MACROD2: variants seen among roughly 807,000 people sequenced by gnomAD.
MACROD2 encodes the protein ADP-ribose glycohydrolase MACROD2.
Under a neutral mutation model 70.4 loss-of-function variants are expected in MACROD2, and 36 were observed. That is an observed-to-expected ratio of 0.51 (90% CI 0.39 to 0.68). The LOEUF (loss-of-function observed/expected upper bound fraction) is 0.68. Among genes scored for constraint, MACROD2 ranks in the 30% least tolerant of loss-of-function variants. The pLI, the probability that MACROD2 is intolerant of heterozygous loss-of-function variation, is 0.00. For missense variants in MACROD2, 496 were observed against 538.4 expected (o/e 0.92, Z 0.78); for synonymous variants, 172 against 178.8 (o/e 0.96, Z 0.30).
At chr20:14,208,978 G>A (rs1464647082) in intron 3 of MACROD2, among the ~76,000 whole-genome samples, 1 of 152,200 alleles carries the variant, frequency 6.6e-6, no homozygotes, top group African/African-American at 2.4e-5. Context: ...GAAGAAAGAA[G>A]TAGTGTGTTA....
rs372067486 is a variant in MACROD2 at position 14,858,353 on chromosome 20, A to G, written c.418+173394A>G. Among the ~76,000 whole-genome samples, 20 of 152,192 alleles carry G rather than the reference A, an allele frequency of 1.3e-4. 1 individual carries two copies. The East Asian group carries it at 3.9e-3, about 29-fold the overall frequency. On this transcript the variant is annotated intron_variant, in intron 5 of 17. Transcript: ENST00000684519. ...GTGACCTGTTGAGCCCTTGGACCCC[A>G]GAATTTCTCGGGTTATTGTTTCTCC...
rs753396661 is a variant in MACROD2, at chr20:15,230,008, A to T, written c.487A>T (p.Asn163Tyr). 1.2e-6 allele frequency: 2 copies of T among 1,613,790 alleles called. No homozygotes were observed. The highest frequency in any genetic ancestry group is 2.2e-5 in the South Asian group (2 of 91,058). ...INGSHKEDLANCYKSSLKLVK... is the reference protein window; with the variant it reads ...INGSHKEDLAYCYKSSLKLVK... ...TGGTTCCCACAAGGAAGACCTTGCA[A>T]ATTGCTATAAATCATCTCTGAAGCT... Residue 163 changes from asparagine to tyrosine, a missense_variant, in exon 6 of 18, where the codon AAT (asparagine) becomes TAT (tyrosine). Transcript: ENST00000684519.
intron 2 of MACROD2, among the ~76,000 whole-genome samples, chr20:14,083,136 AAAAAG>A (rs1387770157): frequency 6.6e-6 from 1 of 151,842 alleles, no homozygotes; most frequent in Admixed American, 6.6e-5. Flanking sequence ...AAAAAAAAAA[AAAAAG>A]GTAGTTTTGG....
At chr20:14,145,315 G>A (rs1004574459) in intron 3 of MACROD2, among the ~76,000 whole-genome samples, 4 of 151,928 alleles carry the variant, frequency 2.6e-5, no homozygotes, top group African/African-American at 4.8e-5. Flanking sequence ...TTATAACCTC[G>A]TCTAGTGTTT....
chr20:14,934,432 A>G (rs1568884740), intron 5 of MACROD2, among the ~76,000 whole-genome samples: 1 of 152,180 alleles, frequency 6.6e-6, no homozygotes, highest in Non-Finnish European at 1.5e-5. Flanking sequence ...TCCCCATGAG[A>G]TCAGACCATC....
At chr20:15,545,369 G>T (rs1293221517) in intron 8 of MACROD2, among the ~76,000 whole-genome samples, 1 of 152,102 alleles carries the variant, frequency 6.6e-6, no homozygotes, top group Non-Finnish European at 1.5e-5. Flanking sequence ...GTAATCCCAA[G>T]AACATATTTA....
At chr20:15,334,582 ATTTTT>A (rs11478951) in intron 6 of MACROD2, among the ~76,000 whole-genome samples, 69 of 148,906 alleles carry the variant, frequency 4.6e-4, no homozygotes, top group South Asian at 8.4e-4. Context: ...GGGAAAAATG[ATTTTT>A]TTTAAAAAAA....
rs370143546 is a variant in MACROD2, at chr20:15,570,195, A to G, written c.645+70348A>G. ...TTTCCTTTTCTCTACAGCCTTGCCA[A>G]CACTTGTTGTCTTTCATATTTTTTA... On this transcript the variant is annotated intron_variant, in intron 8 of 17. Coordinates refer to ENST00000684519, the MANE Select transcript of MACROD2 (RefSeq NM_001351661.2). 5.0e-4 allele frequency among the ~76,000 whole-genome samples: 76 copies of G among 152,148 alleles called. 1 individual carries two copies. The highest frequency in any genetic ancestry group is 1.7e-3 in the African/African-American group (72 of 41,564).
At chr20:14,302,148 G>A (rs1040826) in intron 3 of MACROD2, among the ~76,000 whole-genome samples, 105,255 of 152,072 alleles carry the variant, frequency 0.69, 37,023 homozygotes, top group Non-Finnish European at 0.75. Flanking sequence ...TCACAAGACT[G>A]AAATCTAGAT....
chr20:15,067,220 A>C (rs2075583976), intron 5 of MACROD2, among the ~76,000 whole-genome samples: 1 of 152,192 alleles, frequency 6.6e-6, no homozygotes, highest in Non-Finnish European at 1.5e-5. Flanking sequence ...AGATTACACT[A>C]TTTTAAATTT....
chr20:14,281,329 T>C (rs922239336), intron 3 of MACROD2, among the ~76,000 whole-genome samples: 2 of 152,270 alleles, frequency 1.3e-5, no homozygotes, highest in African/African-American at 2.4e-5. Flanking sequence ...AAAGGTAACA[T>C]ATTGTATCAT....
intron 4 of MACROD2, among the ~76,000 whole-genome samples, chr20:14,598,518 C>T (rs1350342025): frequency 6.6e-6 from 1 of 151,736 alleles, no homozygotes; most frequent in African/African-American, 2.4e-5. Context: ...TTTTTTATGC[C>T]CCGTGCATAA....
intron 3 of MACROD2, among the ~76,000 whole-genome samples, chr20:14,342,477 A>G (rs1754350316): frequency 6.6e-6 from 1 of 152,214 alleles, no homozygotes; most frequent in Admixed American, 6.5e-5. Flanking sequence ...ATGTCAGGGC[A>G]CATCAGTATT....
At chr20:14,858,453 A>C (rs1057248626) in intron 5 of MACROD2, among the ~76,000 whole-genome samples, 3 of 152,186 alleles carry the variant, frequency 2.0e-5, no homozygotes, top group Non-Finnish European at 4.4e-5. Context: ...TGTGGTAGAA[A>C]AGAAAAAATG....
intron 5 of MACROD2, chr20:15,022,765 CA>C (rs1228357385): frequency 2.0e-5 from 3 of 152,044 alleles, no homozygotes; most frequent in African/African-American, 7.2e-5. Context: ...CAGAATAGTC[CA>C]CTGCTACAAA....
At position 15,431,846 on chromosome 20, in the gene MACROD2, ATC is replaced by A. The variant is rs770746404; in HGVS notation, c.571+413_571+414del. Among the ~76,000 whole-genome samples, 757 of 152,218 alleles carry A rather than the reference ATC, an allele frequency of 5.0e-3. 4 individuals are homozygous for A. The highest frequency in any genetic ancestry group is 0.017 in the African/African-American group (726 of 41,554). On this transcript the variant is annotated intron_variant, in intron 7 of 17. Transcript: ENST00000684519. ...AATTAAAATGCATACATATGCATAT[ATC>A]TGTGTTTTCAAATTTTAAAAAAGTC...
At chr20:14,575,521 A>C (rs538046208) in intron 4 of MACROD2, among the ~76,000 whole-genome samples, 20 of 152,328 alleles carry the variant, frequency 1.3e-4, no homozygotes, top group African/African-American at 4.6e-4. Flanking sequence ...AGGAATGCCC[A>C]GGGGTCCCTG....
At position 15,249,904 on chromosome 20, in the gene MACROD2, T is replaced by C. The variant is rs2077139964; in HGVS notation, c.540+19843T>C. Among the ~76,000 whole-genome samples the C allele has an allele frequency of 2.0e-5, 3 of 152,250 alleles. No individual in the cohort carries two copies. In the South Asian group the frequency reaches 6.2e-4, roughly 31 times the overall value. The stretch of plus-strand genomic sequence containing the variant: ...ATTGTGGTTATTTAAGAGTGAAATG[T>C]AGGTATTATTTTTCCCTTTATATGT... On this transcript the variant is annotated intron_variant, in intron 6 of 17. Transcript: ENST00000684519.
chr20:15,683,147 G>A (rs1020535867), intron 8 of MACROD2, among the ~76,000 whole-genome samples: 2 of 152,120 alleles, frequency 1.3e-5, no homozygotes, highest in African/African-American at 2.4e-5. Context: ...AGAATATTAC[G>A]AATAAATGAA....
Sources: gnomAD v4.1 joint callset for allele counts (sites outside exome capture counted in the v4.1 genomes callset) on GRCh38, gnomAD v4.1.1 for gene constraint, MANE v1.5 for transcripts, NCBI Gene and HGNC (gene_info 2026-07-23, HGNC 2026-07-21) for gene names.